TRPM3: variants seen among roughly 807,000 people sequenced by gnomAD.
TRPM3 encodes long transient receptor potential channel 3.
In TRPM3, 77 loss-of-function variants were observed where a neutral mutation model predicts 181.2. The observed-to-expected ratio is 0.42, with a 90% CI of 0.35 to 0.51. The LOEUF (loss-of-function observed/expected upper bound fraction) is 0.51. Ranked by LOEUF, TRPM3 falls within the 20% of genes least tolerant of loss-of-function variation. TRPM3 has a pLI of 0.01. For synonymous variants in TRPM3, 745 were observed against 796.4 expected (o/e 0.94, Z 1.09); for missense variants, 1,759 against 2,196.7 (o/e 0.80, Z 3.98).
intron 1 of TRPM3, among the ~76,000 whole-genome samples, chr9:71,134,008 TGTGTGTGCGC>T (rs1259022143): frequency 1.0e-4 from 9 of 87,924 alleles, no homozygotes; most frequent in Admixed American, 2.0e-4. Flanking sequence ...TGTGTGTGTG[TGTGTGTGCGC>T]GTGCGCGCGC....
intron 1 of TRPM3, among the ~76,000 whole-genome samples, chr9:71,271,431 G>A (rs1231231175): frequency 2.0e-5 from 3 of 152,042 alleles, no homozygotes; most frequent in African/African-American, 7.2e-5. Context: ...TTAAAGAATG[G>A]CTTACCACTC....
intron 1 of TRPM3, among the ~76,000 whole-genome samples, chr9:70,943,755 A>G (rs1564815233): frequency 6.6e-6 from 1 of 152,136 alleles, no homozygotes; most frequent in South Asian, 2.1e-4. Context: ...AATATTTATT[A>G]GTCATTATGA....
At chr9:71,247,655 A>G (rs1007948404) in intron 1 of TRPM3, among the ~76,000 whole-genome samples, 25 of 152,166 alleles carry the variant, frequency 1.6e-4, no homozygotes, top group Admixed American at 1.6e-3. Context: ...GATGAAATTC[A>G]TATGAGCTGA....
At chr9:70,538,412 T>A (rs1396511399) in intron 25 of TRPM3, among the ~76,000 whole-genome samples, 1 of 151,940 alleles carries the variant, frequency 6.6e-6, no homozygotes, top group African/African-American at 2.4e-5. Context: ...ATTACAGGCG[T>A]AAGCCACCAT....
chr9:71,395,987 G>C (rs1224104975), intron 1 of TRPM3, among the ~76,000 whole-genome samples: 2 of 152,026 alleles, frequency 1.3e-5, no homozygotes, highest in Non-Finnish European at 2.9e-5. Flanking sequence ...ATTTAGAAAA[G>C]CTAAAAAAGC....
At chr9:71,233,039 T>C (rs1340768941) in intron 1 of TRPM3, among the ~76,000 whole-genome samples, 2 of 152,136 alleles carry the variant, frequency 1.3e-5, no homozygotes, top group Non-Finnish European at 2.9e-5. Context: ...CGACTTCTGC[T>C]AGGGTTTGAC....
intron 6 of TRPM3, among the ~76,000 whole-genome samples, chr9:70,811,841 A>T (rs894089497): frequency 6.6e-6 from 1 of 152,184 alleles, no homozygotes; most frequent in Non-Finnish European, 1.5e-5. Context: ...CAAAGCTAAC[A>T]TGTTACTCAA....
rs969947948 is a variant in TRPM3 at position 70,924,354 on chromosome 9, T to C, written c.178-59843A>G. ...ATTTATTTTTTACTTACAATTATATTGTGAATATTTCTTCATATCATTATT... is the reference window on the plus strand; with the variant it reads ...ATTTATTTTTTACTTACAATTATATCGTGAATATTTCTTCATATCATTATT... On this transcript the variant is annotated intron_variant, in intron 1 of 25. Coordinates refer to ENST00000677713, the MANE Select transcript of TRPM3 (RefSeq NM_001366145.2). Among the ~76,000 whole-genome samples the C allele has an allele frequency of 3.3e-5, 5 of 152,312 alleles. No homozygotes were observed. In the East Asian group the frequency reaches 9.6e-4, roughly 29 times the overall value.
chr9:71,010,341 G>A (rs2097722631), intron 1 of TRPM3, among the ~76,000 whole-genome samples: 1 of 151,842 alleles, frequency 6.6e-6, no homozygotes, highest in African/African-American at 2.4e-5. Context: ...TCGGACAAGG[G>A]GTTAATATCC....
chr9:70,791,308 C>T (rs552685137), intron 6 of TRPM3, among the ~76,000 whole-genome samples: 14 of 152,140 alleles, frequency 9.2e-5, no homozygotes, highest in African/African-American at 2.7e-4. Context: ...AAGTACCACA[C>T]AAGTTATTAA....
At chr9:71,089,614 T>C (rs1301097773) in intron 1 of TRPM3, among the ~76,000 whole-genome samples, 1 of 151,964 alleles carries the variant, frequency 6.6e-6, no homozygotes, top group Non-Finnish European at 1.5e-5. Context: ...ATGTGATAAA[T>C]ATCACAGACA....
At chr9:70,742,504 T>TC (rs2074346877) in intron 8 of TRPM3, among the ~76,000 whole-genome samples, 1 of 152,154 alleles carries the variant, frequency 6.6e-6, no homozygotes, top group African/African-American at 2.4e-5. Flanking sequence ...CCTCCAGCGG[T>TC]ATAGAACACT....
Position 70,615,967 on chromosome 9 carries a change from CCTT to C in TRPM3, c.2464_2466del (p.Lys822del). ...GTGGGCTTCTCTGGTTCTTCTGCCT[CCTT>C]CTCTTGGAGGTGGATTTCCTGGGCC... On this transcript the variant is annotated inframe_deletion, in exon 18 of 26. Transcript: ENST00000677713. 6 of 1,613,142 alleles carry C rather than the reference CCTT, an allele frequency of 3.7e-6. No homozygotes were observed. The highest frequency in any genetic ancestry group is 5.1e-6 in the Non-Finnish European group (6 of 1,179,580).
intron 1 of TRPM3, among the ~76,000 whole-genome samples, chr9:71,059,910 T>G (rs569090541): frequency 6.6e-6 from 1 of 152,054 alleles, no homozygotes; most frequent in Admixed American, 6.6e-5. Context: ...CAGCCAAGAC[T>G]ACAAGGGGTC....
chr9:71,360,054 G>C (rs1409751120), intron 1 of TRPM3, among the ~76,000 whole-genome samples: 3 of 152,150 alleles, frequency 2.0e-5, no homozygotes, highest in Non-Finnish European at 2.9e-5. Flanking sequence ...TAGAGGAAGA[G>C]TGGCCGGCAC....
intron 1 of TRPM3, among the ~76,000 whole-genome samples, chr9:71,354,189 A>C (rs1162629559): frequency 6.6e-6 from 1 of 152,016 alleles, no homozygotes; most frequent in Non-Finnish European, 1.5e-5. Context: ...ACTCCCCAAA[A>C]CTCTGGGAGA....
At chr9:71,388,367 G>T (rs1180969861) in intron 1 of TRPM3, among the ~76,000 whole-genome samples, 1 of 151,952 alleles carries the variant, frequency 6.6e-6, no homozygotes, top group Non-Finnish European at 1.5e-5. Context: ...TGATGAGAAA[G>T]ATTTAAAATA....
At chr9:70,547,882 T>C (rs1242597466) in intron 25 of TRPM3, among the ~76,000 whole-genome samples, 1 of 152,134 alleles carries the variant, frequency 6.6e-6, no homozygotes, top group Admixed American at 6.6e-5. Context: ...GAGGCTCAAG[T>C]GGATGTACTA....
At chr9:71,170,608 T>G (rs2076800725) in intron 1 of TRPM3, among the ~76,000 whole-genome samples, 1 of 152,228 alleles carries the variant, frequency 6.6e-6, no homozygotes, top group Non-Finnish European at 1.5e-5. Context: ...TTCTTATGCC[T>G]GTCTTTACTG....
Sources: allele counts gnomAD v4.1 joint callset (sites outside exome capture counted in the v4.1 genomes callset), GRCh38; gene constraint gnomAD v4.1.1; transcripts MANE v1.5; gene names NCBI Gene and HGNC (gene_info 2026-07-23, HGNC 2026-07-21).